Variants in IL1RAPL2 observed in about 807,000 individuals in gnomAD.
IL1RAPL2 encodes the protein X-linked interleukin-1 receptor accessory protein-like 2.
IL1RAPL2 carries 3 observed loss-of-function variants against 44.1 expected under a neutral mutation model. The observed-to-expected ratio is 0.07, with a 90% CI of 0.03 to 0.18. The LOEUF is 0.18. IL1RAPL2 is among the 10% of genes least tolerant of loss of function. The pLI is 1.00. For synonymous variants in IL1RAPL2, 181 were observed against 178.8 expected (o/e 1.01, Z -0.10); for missense variants, 391 against 496.4 (o/e 0.79, Z 2.02).
intron 5 of IL1RAPL2, among the ~76,000 whole-genome samples, chrX:105,425,524 G>C (rs2147747895): frequency 9.8e-6 from 1 of 101,940 alleles, no homozygotes; most frequent in South Asian, 4.8e-4. Context: ...TTATGCATAG[G>C]ACTCAGGAAG....
chrX:104,909,376 G>A (rs1277668241), intron 2 of IL1RAPL2, among the ~76,000 whole-genome samples: 12 of 112,237 alleles, frequency 1.1e-4, no homozygotes, highest in African/African-American at 3.6e-4. Flanking sequence ...GCTTTGTTCC[G>A]TTGCTGGTGA....
At chrX:105,436,549 A>G (rs1253025309) in intron 5 of IL1RAPL2, among the ~76,000 whole-genome samples, 1 of 111,404 alleles carries the variant, frequency 9.0e-6, no homozygotes, top group Non-Finnish European at 1.9e-5. Flanking sequence ...CTCAGTTTTC[A>G]GGATATGATT....
chrX:104,766,461 A>G (rs1223885682), intron 2 of IL1RAPL2, among the ~76,000 whole-genome samples: 2 of 107,817 alleles, frequency 1.9e-5, no homozygotes, highest in African/African-American at 6.8e-5. Context: ...TTTCCTTCCT[A>G]TTTATATCAG....
chrX:105,410,370 A>T (rs756639345), intron 5 of IL1RAPL2, among the ~76,000 whole-genome samples: 9 of 110,094 alleles, frequency 8.2e-5, no homozygotes, highest in Non-Finnish European at 1.3e-4. Flanking sequence ...ACCAAGAGAA[A>T]GAGAGCATTT....
intron 6 of IL1RAPL2, among the ~76,000 whole-genome samples, chrX:105,635,391 C>A (rs779936119): frequency 1.8e-5 from 2 of 111,729 alleles, no homozygotes; most frequent in Non-Finnish European, 3.8e-5. Context: ...TAAATGTAAA[C>A]AAAGCAGTTA....
intron 6 of IL1RAPL2, among the ~76,000 whole-genome samples, chrX:105,669,613 C>A (rs895181553): frequency 9.0e-6 from 1 of 111,343 alleles, no homozygotes; most frequent in African/African-American, 3.3e-5. Context: ...ATCCCATATA[C>A]TCTTTACCCA....
intron 2 of IL1RAPL2, among the ~76,000 whole-genome samples, chrX:104,824,379 G>A (rs760254406): frequency 1.8e-5 from 2 of 111,732 alleles, no homozygotes; most frequent in Admixed American, 9.5e-5. Context: ...GCCAGGTTTT[G>A]GTAACAATAT....
At chrX:104,913,629 C>T (rs1464175341) in intron 2 of IL1RAPL2, among the ~76,000 whole-genome samples, 1 of 111,827 alleles carries the variant, frequency 8.9e-6, no homozygotes, top group Non-Finnish European at 1.9e-5. Context: ...CCTACAAACC[C>T]AATTAAAGGT....
chrX:104,698,401 C>G (rs1272696868), intron 2 of IL1RAPL2, among the ~76,000 whole-genome samples: 1 of 111,864 alleles, frequency 8.9e-6, no homozygotes, highest in Non-Finnish European at 1.9e-5. Flanking sequence ...ATTTTAGAAG[C>G]TGGCTACCAC....
intron 1 of IL1RAPL2, among the ~76,000 whole-genome samples, chrX:104,614,987 G>A (rs999613539): frequency 9.0e-6 from 1 of 111,274 alleles, no homozygotes; most frequent in Admixed American, 9.6e-5. Flanking sequence ...TTGCATTCAA[G>A]ATTAATATTG....
At chrX:105,457,613 A>G (rs1394022948) in intron 5 of IL1RAPL2, among the ~76,000 whole-genome samples, 1 of 109,004 alleles carries the variant, frequency 9.2e-6, no homozygotes, top group Non-Finnish European at 1.9e-5. Flanking sequence ...AAAATATTCT[A>G]TTGTGTATAT....
intron 5 of IL1RAPL2, among the ~76,000 whole-genome samples, chrX:105,292,378 G>A (rs2034619911): frequency 8.9e-6 from 1 of 112,267 alleles, no homozygotes; most frequent in Admixed American, 9.5e-5. Context: ...TAATCCTTAA[G>A]AAACTGCCAC....
At chrX:104,610,823 C>G (rs5917107) in intron 1 of IL1RAPL2, among the ~76,000 whole-genome samples, 1 of 110,707 alleles carries the variant, frequency 9.0e-6, no homozygotes, top group Admixed American at 9.6e-5. Flanking sequence ...ATCGCCAAGT[C>G]AATCCTAAGC....
At chrX:104,920,022 A>G (rs981606188) in intron 2 of IL1RAPL2, among the ~76,000 whole-genome samples, 4 of 111,679 alleles carry the variant, frequency 3.6e-5, no homozygotes, top group African/African-American at 1.3e-4. Context: ...ACCCTTGTCT[A>G]CACAACTCAG....
At chrX:104,653,278 C>T (rs756498932) in intron 1 of IL1RAPL2, among the ~76,000 whole-genome samples, 1 of 111,734 alleles carries the variant, frequency 8.9e-6, no homozygotes, top group Middle Eastern at 4.7e-3. Flanking sequence ...TATGCAGTTA[C>T]CTAGTCCAGC....
At chrX:105,533,431 C>T (rs1335807354) in intron 6 of IL1RAPL2, among the ~76,000 whole-genome samples, 1 of 111,722 alleles carries the variant, frequency 9.0e-6, no homozygotes, top group Non-Finnish European at 1.9e-5. Flanking sequence ...TTGGAACAAT[C>T]CGCAGAATTA....
chrX:105,415,156 C>A (rs886460323), intron 5 of IL1RAPL2, among the ~76,000 whole-genome samples: 1 of 111,595 alleles, frequency 9.0e-6, no homozygotes, highest in African/African-American at 3.3e-5. Context: ...AATAAAAGAT[C>A]TATTTTCAAA....
intron 2 of IL1RAPL2, among the ~76,000 whole-genome samples, chrX:104,894,714 C>A (rs1029335374): frequency 8.9e-6 from 1 of 111,887 alleles, no homozygotes; most frequent in Non-Finnish European, 1.9e-5. Context: ...TTTTTAGCTT[C>A]TTTGCAATGG....
intron 2 of IL1RAPL2, among the ~76,000 whole-genome samples, chrX:105,147,851 A>C (rs2033192960): frequency 9.0e-6 from 1 of 111,174 alleles, no homozygotes; most frequent in Non-Finnish European, 1.9e-5. Flanking sequence ...TCTTTTTTGT[A>C]TATACCTAGA....
Sources: allele counts gnomAD v4.1 joint callset (sites outside exome capture counted in the v4.1 genomes callset), GRCh38; gene constraint gnomAD v4.1.1; transcripts MANE v1.5; gene names NCBI Gene and HGNC (gene_info 2026-07-23, HGNC 2026-07-21).